The following ZBTB16 variants were observed in gnomAD, a reference collection of about 807,000 sequenced individuals.
The protein encoded by ZBTB16 is zinc finger and BTB domain-containing protein 16.
ZBTB16 carries 8 observed loss-of-function variants against 56.8 expected under a neutral mutation model. The observed-to-expected ratio is 0.14, with a 90% confidence interval of 0.08 to 0.25. The LOEUF is 0.25. Ranked by LOEUF, ZBTB16 falls within the 10% of genes least tolerant of loss-of-function variation. The pLI is 1.00. For synonymous variants in ZBTB16, 363 were observed against 368.5 expected, an observed-to-expected ratio of 0.98 and a Z score of 0.17; for missense variants, 625 against 903.0, an observed-to-expected ratio of 0.69 and a Z score of 3.95.
chr11:114,218,496 T>C (rs528803792), intron 4 of ZBTB16, among the ~76,000 whole-genome samples: 1 of 152,332 alleles, frequency 6.6e-6, no homozygotes, highest in South Asian at 2.1e-4. Context: ...CCTCCTCCAG[T>C]GGCTTGGCAC....
At chr11:114,196,569 A>G (rs1943617234) in intron 4 of ZBTB16, among the ~76,000 whole-genome samples, 1 of 152,078 alleles carries the variant, frequency 6.6e-6, no homozygotes, top group Non-Finnish European at 1.5e-5. Flanking sequence ...TAGTGACTCA[A>G]GTTTGCTGTG....
intron 4 of ZBTB16, among the ~76,000 whole-genome samples, chr11:114,229,711 T>C (rs970352171): frequency 1.8e-4 from 27 of 152,214 alleles, no homozygotes; most frequent in African/African-American, 6.3e-4. Context: ...CAAAGATACC[T>C]GTGATGACAT....
chr11:114,183,437 TTCTC>T (rs1943296336), intron 3 of ZBTB16, among the ~76,000 whole-genome samples: 2 of 152,218 alleles, frequency 1.3e-5, no homozygotes, highest in Non-Finnish European at 2.9e-5. Context: ...CCTCCTTCCT[TTCTC>T]TCTGCTTCTC....
chr11:114,100,335 C>G (rs1225074069), intron 2 of ZBTB16, among the ~76,000 whole-genome samples: 1 of 152,136 alleles, frequency 6.6e-6, no homozygotes, highest in Non-Finnish European at 1.5e-5. Flanking sequence ...TTTGGCGGCA[C>G]TGGGTCAAAC....
rs1003291893 is a variant in ZBTB16, at chr11:114,253,407, CAAAA to C, written c.*2853_*2856del. On this transcript the variant is annotated 3_prime_UTR_variant, in exon 7 of 7. Transcript: ENST00000335953. Reference sequence around the variant, plus strand: ...TCCTTTTGTAATGTGAATAGGAAGACAAAAGACAAAAAAAAATCCACCACCACCA... The same window carrying C: ...TCCTTTTGTAATGTGAATAGGAAGACGACAAAAAAAAATCCACCACCACCA... Among the ~76,000 whole-genome samples, 8 of 131,152 alleles carry C rather than the reference CAAAA, an allele frequency of 6.1e-5. No individual in the cohort carries two copies. Among genetic ancestry groups the C allele is most frequent in the African/African-American group, 1.3e-4 (5 of 39,240 alleles). 86.0% of individuals were successfully genotyped at this position (131,152 alleles called of 152,430 possible). A position where few individuals can be genotyped will look rare whatever the true frequency, so the allele number is the denominator to read the frequency against.
intron 2 of ZBTB16, among the ~76,000 whole-genome samples, chr11:114,071,090 G>A (rs1458375110): frequency 6.6e-6 from 1 of 152,124 alleles, no homozygotes; most frequent in Non-Finnish European, 1.5e-5. Flanking sequence ...TTTCTGGATT[G>A]TTGCGCTCTT....
chr11:114,100,797 G>A (rs1464182877), intron 2 of ZBTB16, among the ~76,000 whole-genome samples: 2 of 152,142 alleles, frequency 1.3e-5, no homozygotes, highest in Non-Finnish European at 2.9e-5. Flanking sequence ...ACTTACCGCA[G>A]GACCAGACAG....
At chr11:114,230,635 G>GGC (rs1944423367) in intron 4 of ZBTB16, among the ~76,000 whole-genome samples, 1 of 132,484 alleles carries the variant, frequency 7.5e-6, no homozygotes, top group Non-Finnish European at 1.6e-5. Context: ...CTTCTGTGGG[G>GGC]GGGGGGCGGG....
chr11:114,140,420 T>C (rs1248969333), intron 2 of ZBTB16, among the ~76,000 whole-genome samples: 1 of 152,240 alleles, frequency 6.6e-6, no homozygotes, highest in Non-Finnish European at 1.5e-5. Flanking sequence ...ATGCTTTGGT[T>C]GTATCCTTCA....
rs58871573 is a variant in ZBTB16 at position 114,106,745 on chromosome 11, G to A, written c.1268+42177G>A. Among the ~76,000 whole-genome samples the A allele has an allele frequency of 4.6e-3, 705 of 152,226 alleles. 9 individuals are homozygous for A. Among genetic ancestry groups the A allele is most frequent in the African/African-American group, 0.015 (629 of 41,538 alleles). On this transcript the variant is annotated intron_variant, in intron 2 of 6. Coordinates refer to ENST00000335953, the MANE Select transcript of ZBTB16 (RefSeq NM_006006.6). ...CACCTCAGCCGCCCAAAGTGCCGGG[G>A]TTACAGGCATGAGCCACTGTGCCTG...
In ZBTB16 at chr11:114,255,898, C is replaced by T. The variant is rs970239345; in HGVS notation, c.*5343C>T. On this transcript the variant is annotated 3_prime_UTR_variant, in exon 7 of 7. Transcript: ENST00000335953. ...TTTTTGTATTTTTATTTATAAGTCTCATAAGAAAAATAGCAATGTTCAGTT... is the reference window on the plus strand; with the variant it reads ...TTTTTGTATTTTTATTTATAAGTCTTATAAGAAAAATAGCAATGTTCAGTT... Among the ~76,000 whole-genome samples the T allele has an allele frequency of 6.6e-6, 1 of 151,816 alleles. No homozygotes were observed. The highest frequency in any genetic ancestry group is 2.4e-5 in the African/African-American group (1 of 41,326).
intron 4 of ZBTB16, among the ~76,000 whole-genome samples, chr11:114,233,081 G>GCGCGCGCGCGCA (rs1250341636): frequency 3.4e-5 from 3 of 87,478 alleles, no homozygotes; most frequent in African/African-American, 1.3e-4. Flanking sequence ...GCGCGCGCGC[G>GCGCGCGCGCGCA]CACACACACA....
chr11:114,123,180 A>G (rs539981306), intron 2 of ZBTB16, among the ~76,000 whole-genome samples: 10 of 152,146 alleles, frequency 6.6e-5, no homozygotes, highest in Non-Finnish European at 1.3e-4. Flanking sequence ...CTGTCTCCAA[A>G]TAACAGTCAC....
intron 2 of ZBTB16, among the ~76,000 whole-genome samples, chr11:114,080,106 A>G (rs1939707358): frequency 6.6e-6 from 1 of 152,166 alleles, no homozygotes; most frequent in Non-Finnish European, 1.5e-5. Flanking sequence ...CCCGGGGAGT[A>G]GGGAGGCCTG....
intron 2 of ZBTB16, among the ~76,000 whole-genome samples, chr11:114,076,451 AT>A (rs371784443): frequency 1.2e-4 from 18 of 152,280 alleles, no homozygotes; most frequent in African/African-American, 4.3e-4. Context: ...TACGTCTCAA[AT>A]TAAAAGCAGC....
At chr11:114,180,397 C>T (rs1033687715) in intron 3 of ZBTB16, among the ~76,000 whole-genome samples, 1 of 152,172 alleles carries the variant, frequency 6.6e-6, no homozygotes, top group Non-Finnish European at 1.5e-5. Context: ...CAGATCACTG[C>T]CTGGGGGGCA....
intron 4 of ZBTB16, among the ~76,000 whole-genome samples, chr11:114,231,128 C>T (rs186186794): frequency 5.3e-4 from 81 of 152,288 alleles, no homozygotes; most frequent in African/African-American, 1.9e-3. Flanking sequence ...GTGAAGTATA[C>T]TGGAGATGAA....
chr11:114,250,459 C>T lies in ZBTB16; in HGVS notation c.1926C>T (p.Leu642=), dbSNP rs1443626497. Residue 642 remains leucine, a synonymous_variant, in exon 7 of 7, where the codon CTC becomes CTT. Coordinates refer to ENST00000335953, the MANE Select transcript of ZBTB16 (RefSeq NM_006006.6). The surrounding 1 kb of genome is among the most constrained non-coding windows in gnomAD (Gnocchi z 6.0). ...TCTGCACAGAGTACTGCCCCAGCCT[C>T]TCCTCCATGCAGAAGCACATGAAGG... ...CTICTEYCPS[L]SSMQKHMKGH... The T allele has an allele frequency of 1.2e-6, 2 of 1,614,174 alleles. No homozygotes were observed. Among genetic ancestry groups the T allele is most frequent in the South Asian group, 1.1e-5 (1 of 91,088 alleles).
intron 4 of ZBTB16, among the ~76,000 whole-genome samples, chr11:114,227,562 C>G (rs12421810): frequency 0.068 from 10,320 of 152,286 alleles, 427 homozygotes; most frequent in Admixed American, 0.15. Context: ...GAGGTCGCAG[C>G]TCTCATGCAG....
Sources: gnomAD v4.1 joint callset for allele counts (sites outside exome capture counted in the v4.1 genomes callset) on GRCh38, gnomAD v4.1.1 for gene constraint, Gnocchi (gnomAD v3.1) non-coding constraint, MANE v1.5 for transcripts, NCBI Gene and HGNC (gene_info 2026-07-23, HGNC 2026-07-21) for gene names.